MTUS2: variants seen among roughly 807,000 people sequenced by gnomAD.
MTUS2 encodes the protein microtubule-associated tumor suppressor candidate 2.
Under a neutral mutation model 114.1 loss-of-function variants are expected in MTUS2, and 40 were observed. That is an observed-to-expected ratio of 0.35 (90% CI 0.27 to 0.46). MTUS2 has a LOEUF of 0.46. Among genes scored for constraint, MTUS2 ranks in the 20% least tolerant of loss-of-function variants. The probability of loss-of-function intolerance (pLI) is 1.00; values close to 1 mark genes in which losing one functional copy is unlikely to be tolerated. For synonymous variants in MTUS2, 688 were observed against 672.0 expected, an observed-to-expected ratio of 1.02 and a Z score of -0.37; for missense variants, 1,679 against 1,705.4, an observed-to-expected ratio of 0.98 and a Z score of 0.27.
chr13:29,260,769 G>T (rs1178236271), intron 5 of MTUS2, among the ~76,000 whole-genome samples: 2 of 152,174 alleles, frequency 1.3e-5, no homozygotes, highest in East Asian at 3.9e-4. Flanking sequence ...TAGAGCAGTG[G>T]TTCTTAATCG....
At position 29,497,310 on chromosome 13, in the gene MTUS2, A is replaced by G; in HGVS notation, c.3652A>G (p.Arg1218Gly). ...AGCCCGCCGCTTCGAAGAGGCCTTG[A>G]GGAAGAACACAGAGGAGCAGCTGGA... ...DRARRFEEAL[R>G]KNTEEQLEIA... The change falls in exon 13 of 16, where the codon AGG (arginine) becomes GGG (glycine). Residue 1218 changes from arginine (R) to glycine (G), a missense_variant. By Grantham distance (125) the Arg-to-Gly change is moderately radical (BLOSUM62 -2). Coordinates refer to ENST00000612955, the MANE Select transcript of MTUS2 (RefSeq NM_001033602.4). 6.2e-7 allele frequency: 1 copy of G among 1,612,004 alleles called. No individual in the cohort carries two copies.
At chr13:29,080,575 CA>C (rs1322576572) in intron 4 of MTUS2, among the ~76,000 whole-genome samples, 1 of 152,206 alleles carries the variant, frequency 6.6e-6, no homozygotes, top group Non-Finnish European at 1.5e-5. Flanking sequence ...GCATCCAGCA[CA>C]AATGTAGGCT....
chr13:29,476,286 T>C (rs1880695825), intron 9 of MTUS2, among the ~76,000 whole-genome samples: 1 of 152,224 alleles, frequency 6.6e-6, no homozygotes, highest in Non-Finnish European at 1.5e-5. Context: ...ATCCCCATCA[T>C]TAAGCAATGC....
chr13:29,017,222 C>T (rs1416753140), intron 2 of MTUS2, among the ~76,000 whole-genome samples: 1 of 152,068 alleles, frequency 6.6e-6, no homozygotes, highest in Non-Finnish European at 1.5e-5. Context: ...GATTTTTTTG[C>T]ATTGTTATAT....
At chr13:28,849,916 T>C (rs1446473848) in intron 2 of MTUS2, among the ~76,000 whole-genome samples, 1 of 152,158 alleles carries the variant, frequency 6.6e-6, no homozygotes, top group Non-Finnish European at 1.5e-5. Context: ...AACAATCTTA[T>C]TTGGCCCTCT....
chr13:28,952,145 T>A (rs1882841327), intron 2 of MTUS2, among the ~76,000 whole-genome samples: 2 of 152,238 alleles, frequency 1.3e-5, no homozygotes, highest in South Asian at 4.1e-4. Flanking sequence ...ATACTTTTAG[T>A]TACGGAAGTA....
intron 5 of MTUS2, chr13:29,239,445 A>C (rs987374747): frequency 2.6e-5 from 4 of 152,222 alleles, no homozygotes; most frequent in African/African-American, 9.6e-5. Context: ...CTAATGGTTC[A>C]GTTCTGGGCC....
chr13:28,963,205 G>A lies in MTUS2; in HGVS notation c.-242-61252G>A, dbSNP rs914578629. ...TCTCTACTAAAAATATAAAAAATTA[G>A]CCGGGCGTGGTGGTGGGCGCCTGTA... On this transcript the variant is annotated intron_variant, in intron 2 of 15. Coordinates refer to ENST00000612955, the MANE Select transcript of MTUS2 (RefSeq NM_001033602.4). Among the ~76,000 whole-genome samples the A allele has an allele frequency of 2.8e-4, 43 of 152,024 alleles. 2 individuals carry two copies. The highest frequency in any genetic ancestry group is 1.2e-4 in the Non-Finnish European group (8 of 68,012).
chr13:29,197,317 G>A (rs781480359), intron 5 of MTUS2, among the ~76,000 whole-genome samples: 15 of 152,042 alleles, frequency 9.9e-5, no homozygotes, highest in Admixed American at 1.3e-4. Flanking sequence ...GAGAACATGC[G>A]GTGGTTGGTT....
At chr13:28,970,679 T>C (rs777489077) in intron 2 of MTUS2, among the ~76,000 whole-genome samples, 6 of 152,264 alleles carry the variant, frequency 3.9e-5, no homozygotes, top group Non-Finnish European at 2.9e-5. Context: ...TTGTGCTCTC[T>C]GAGAAGAAAG....
chr13:29,214,311 A>G (rs1226557775), intron 5 of MTUS2, among the ~76,000 whole-genome samples: 2 of 151,794 alleles, frequency 1.3e-5, no homozygotes, highest in African/African-American at 4.8e-5. Flanking sequence ...CTCTTTTTCC[A>G]ATTTGCCCCA....
intron 2 of MTUS2, among the ~76,000 whole-genome samples, chr13:29,018,408 C>A (rs2138449026): frequency 6.6e-6 from 1 of 152,278 alleles, no homozygotes; most frequent in Non-Finnish European, 1.5e-5. Context: ...CACTGGAAAT[C>A]AAAGCCTAAA....
intron 5 of MTUS2, among the ~76,000 whole-genome samples, chr13:29,244,581 GC>G (rs1225213575): frequency 6.6e-6 from 1 of 152,172 alleles, no homozygotes; most frequent in Non-Finnish European, 1.5e-5. Flanking sequence ...GTTGGCGCAT[GC>G]TATTGGAAGT....
intron 5 of MTUS2, among the ~76,000 whole-genome samples, chr13:29,111,150 AT>A (rs1471110106): frequency 6.6e-6 from 1 of 152,218 alleles, no homozygotes; most frequent in African/African-American, 2.4e-5. Flanking sequence ...TTCAAGGAAA[AT>A]TAATATGATA....
chr13:28,943,918 T>A (rs1256175830), intron 2 of MTUS2, among the ~76,000 whole-genome samples: 2 of 152,130 alleles, frequency 1.3e-5, no homozygotes, highest in African/African-American at 2.4e-5. Flanking sequence ...TGCTTCTTTT[T>A]AAAAAAATCA....
chr13:29,023,454 C>T (rs969986928), intron 2 of MTUS2, among the ~76,000 whole-genome samples: 2 of 152,196 alleles, frequency 1.3e-5, no homozygotes, highest in African/African-American at 4.8e-5. Flanking sequence ...CTTTCTCCTT[C>T]TCATATGCAC....
At position 28,837,298 on chromosome 13, in the gene MTUS2, C is replaced by T. The variant is rs141492475; in HGVS notation, c.-315-2480C>T. ...GTGGTTATTATGCAGCCACCTGTTTCGGGTTTGCATACCAATGTGCAGAGT... is the reference window on the plus strand; with the variant it reads ...GTGGTTATTATGCAGCCACCTGTTTTGGGTTTGCATACCAATGTGCAGAGT... On this transcript the variant is annotated intron_variant, in intron 1 of 15. Coordinates refer to ENST00000612955, the MANE Select transcript of MTUS2 (RefSeq NM_001033602.4). 5.0e-3 allele frequency among the ~76,000 whole-genome samples: 759 copies of T among 152,308 alleles called. 6 individuals are homozygous for T. Among genetic ancestry groups the T allele is most frequent in the South Asian group, 0.015 (73 of 4,820 alleles).
chr13:29,015,994 T>G (rs1187997735), intron 2 of MTUS2, among the ~76,000 whole-genome samples: 1 of 152,156 alleles, frequency 6.6e-6, no homozygotes, highest in African/African-American at 2.4e-5. Context: ...AACCTCCGCC[T>G]CCTGGGTTCA....
chr13:29,347,006 G>T, intron 7 of MTUS2, among the ~76,000 whole-genome samples: 1 of 151,586 alleles, frequency 6.6e-6, no homozygotes, highest in African/African-American at 2.4e-5. Context: ...CTCATAGTTT[G>T]TCAGTGTGTC....
Sources: allele counts gnomAD v4.1 joint callset (sites outside exome capture counted in the v4.1 genomes callset), GRCh38; gene constraint gnomAD v4.1.1; transcripts MANE v1.5; gene names NCBI Gene and HGNC (gene_info 2026-07-23, HGNC 2026-07-21).